The following ADPRH variants were observed in gnomAD, a reference collection of about 807,000 sequenced individuals.
ADPRH encodes the protein ADP-ribose-L-arginine cleaving enzyme.
In ADPRH, 27 loss-of-function variants were observed where a neutral mutation model predicts 28.8. That is an observed-to-expected ratio of 0.94 (90% CI 0.69 to 1.29). The LOEUF is 1.29. Among genes scored for constraint, ADPRH ranks in the 50% most tolerant of loss-of-function variants. The probability of loss-of-function intolerance (pLI) is 0.00; values close to 1 mark genes in which losing one functional copy is unlikely to be tolerated. For synonymous variants in ADPRH, 161 were observed against 166.9 expected (o/e 0.96, Z 0.27); for missense variants, 419 against 444.8 (o/e 0.94, Z 0.52).
intron 2 of ADPRH, among the ~76,000 whole-genome samples, chr3:119,581,388 A>G (rs945422329): frequency 6.6e-6 from 1 of 152,166 alleles, no homozygotes; most frequent in African/African-American, 2.4e-5. Flanking sequence ...AATTTAATTT[A>G]TTTATTCCTA....
At chr3:119,583,468 C>T (rs148034287) in intron 3 of ADPRH, among the ~76,000 whole-genome samples, 62 of 152,044 alleles carry the variant, frequency 4.1e-4, no homozygotes, top group African/African-American at 1.3e-3. Flanking sequence ...TCACATTATA[C>T]TAAATAAATG....
chr3:119,586,480 A>C lies in ADPRH; in HGVS notation c.494A>C (p.His165Pro), dbSNP rs896548821. ...GAGAGTGGTCGGATGACCCACCACC[A>C]CCCAACAGGCTACCTGGGGGCCCTT... Reference protein sequence around the residue: ...SIESGRMTHHHPTGYLGALAS... With the variant: ...SIESGRMTHHPPTGYLGALAS... Residue 165 changes from histidine (H) to proline (P), a missense_variant, in exon 4 of 5, where the codon CAC becomes CCC. Coordinates refer to ENST00000357003, the MANE Select transcript of ADPRH (RefSeq NM_001125.4). 5.1e-5 allele frequency: 83 copies of C among 1,614,016 alleles called. No homozygotes were observed. Among genetic ancestry groups the C allele is most frequent in the Non-Finnish European group, 6.9e-5 (82 of 1,180,026 alleles).
rs1485926935 is a variant in ADPRH at position 119,587,887 on chromosome 3, G to A, written c.*9G>A. The A allele has an allele frequency of 4.5e-6, 7 of 1,567,596 alleles. No individual in the cohort carries two copies. Among genetic ancestry groups the A allele is most frequent in the Non-Finnish European group, 6.0e-6 (7 of 1,158,524 alleles). Reference sequence around the variant, plus strand: ...CTGTAATTTCCCTTTAGGGAGACGTGATGTTCACTTCTGATGGATTCTTCT... The same window carrying A: ...CTGTAATTTCCCTTTAGGGAGACGTAATGTTCACTTCTGATGGATTCTTCT... On this transcript the variant is annotated 3_prime_UTR_variant, in exon 5 of 5. Transcript: ENST00000357003.
At position 119,589,610 on chromosome 3, in the gene ADPRH, T is replaced by A. The variant is rs1057315715; in HGVS notation, c.*1732T>A. The A allele has an allele frequency of 6.6e-6, 1 of 152,194 alleles. No individual in the cohort carries two copies. Among genetic ancestry groups the A allele is most frequent in the Non-Finnish European group, 1.5e-5 (1 of 68,036 alleles). 9.4% of individuals were successfully genotyped at this position (152,194 alleles called of 1,614,324 possible). On this transcript the variant is annotated 3_prime_UTR_variant, in exon 5 of 5. Coordinates refer to ENST00000357003, the MANE Select transcript of ADPRH (RefSeq NM_001125.4). ...AGGGGATGCAGGGAGGATCTTAGCA[T>A]TTGTTGTTTTCTAGTGCAGGGCTTT...
At chr3:119,581,552 G>A (rs1016576325) in intron 2 of ADPRH, among the ~76,000 whole-genome samples, 1 of 152,024 alleles carries the variant, frequency 6.6e-6, no homozygotes, top group Non-Finnish European at 1.5e-5. Context: ...ATCAGATTTG[G>A]GTTCCAGTAC....
intron 3 of ADPRH, among the ~76,000 whole-genome samples, chr3:119,583,067 A>T (rs535526599): frequency 2.0e-5 from 3 of 152,222 alleles, no homozygotes; most frequent in African/African-American, 4.8e-5. Context: ...TCCAGAAAAA[A>T]ATTTTTAAAA....
At position 119,587,460 on chromosome 3, in the gene ADPRH, A is replaced by T; in HGVS notation, c.660-4A>T. 1 of 1,514,598 alleles carries T rather than the reference A, an allele frequency of 6.6e-7. No homozygotes were observed. The highest frequency in any genetic ancestry group is 8.8e-7 in the Non-Finnish European group (1 of 1,131,852). 93.8% of individuals were successfully genotyped at this position (1,514,598 alleles called of 1,614,324 possible). ...ATTGACTCTAGATTTTTTCCTTTCT[A>T]CAGGTCCTACTTCCAAACCAAATGG... is the stretch of plus-strand genomic sequence containing the variant. On this transcript the variant is annotated splice_region_variant and splice_polypyrimidine_tract_variant and intron_variant, in intron 4 of 4. Transcript: ENST00000357003.
chr3:119,580,387 G>A (rs1397582357), intron 1 of ADPRH, 164 bp from the exon 2 acceptor site: 3 of 152,276 alleles, frequency 2.0e-5, no homozygotes, highest in Non-Finnish European at 4.4e-5. Flanking sequence ...TGTCCCGGGT[G>A]TCTGTCAGGT....
At chr3:119,584,023 C>G (rs2107760954) in intron 3 of ADPRH, among the ~76,000 whole-genome samples, 1 of 151,888 alleles carries the variant, frequency 6.6e-6, no homozygotes, top group East Asian at 1.9e-4. Context: ...GTTGATCCAC[C>G]TGCCTCAGCC....
intron 2 of ADPRH, 25 bp from the exon 3 acceptor site, chr3:119,582,109 C>A: frequency 1.2e-4 from 97 of 826,040 alleles, no homozygotes; most frequent in East Asian, 2.0e-4. Flanking sequence ...CATCCTATTT[C>A]CTTTGTCTTA....
intron 2 of ADPRH, 63 bp from the exon 3 acceptor site, chr3:119,582,071 G>GTGGTTTTTTTTTTTT: frequency 7.9e-7 from 1 of 1,268,986 alleles, no homozygotes; most frequent in East Asian, 2.3e-5. Flanking sequence ...AGCTAGAGTC[G>GTGGTTTTTTTTTTTT]TTGTTTTTTC....
rs1322420442 is a variant in ADPRH, at chr3:119,580,885, G to T, written c.-37+249G>T. Among the ~76,000 whole-genome samples, 4 of 151,942 alleles carry T rather than the reference G, an allele frequency of 2.6e-5. No individual in the cohort carries two copies. In the East Asian group the frequency reaches 7.7e-4, roughly 29 times the overall value. On this transcript the variant is annotated intron_variant, in intron 2 of 4. Coordinates refer to ENST00000357003, the MANE Select transcript of ADPRH (RefSeq NM_001125.4). Reference sequence around the variant, plus strand: ...GTGGGTATATTATTAATAGAGATTCGAATTCTCTAGAAGCTGATCATTTCT... The same window carrying T: ...GTGGGTATATTATTAATAGAGATTCTAATTCTCTAGAAGCTGATCATTTCT...
chr3:119,581,931 G>A (rs2082408037), intron 2 of ADPRH: 1 of 455,942 alleles, frequency 2.2e-6, no homozygotes, highest in South Asian at 4.5e-5. Context: ...TTCTCAAACT[G>A]CATTATCTCC....
chr3:119,586,252 C>T (rs1430128194), intron 3 of ADPRH, 33 bp from the exon 4 acceptor site: 2 of 1,610,478 alleles, frequency 1.2e-6, no homozygotes, highest in South Asian at 1.1e-5. Flanking sequence ...TTTGGTTATG[C>T]TAACCCCCAT....
rs1173257800 is a variant in ADPRH at position 119,580,562 on chromosome 3, C to T, written c.-111C>T. On this transcript the variant is annotated 5_prime_UTR_variant, in exon 2 of 5. Coordinates refer to ENST00000357003, the MANE Select transcript of ADPRH (RefSeq NM_001125.4). ...TACTCCTTCTCCAGGGGCTCTCCAG[C>T]CTGCATTCCATGGCCAACAGCAGTG... The T allele has an allele frequency of 1.3e-5, 2 of 152,238 alleles. No homozygotes were observed. Among genetic ancestry groups the T allele is most frequent in the Non-Finnish European group, 2.9e-5 (2 of 68,076 alleles). 9.4% of individuals were successfully genotyped at this position (152,238 alleles called of 1,614,324 possible).
intron 3 of ADPRH, among the ~76,000 whole-genome samples, chr3:119,584,906 T>C (rs58065739): frequency 0.28 from 41,976 of 152,120 alleles, 6,339 homozygotes; most frequent in African/African-American, 0.39. Context: ...TGTGTGCATG[T>C]ATCCCTGGTG....
chr3:119,582,748 A>G (rs1040416492), intron 3 of ADPRH, among the ~76,000 whole-genome samples: 3 of 152,166 alleles, frequency 2.0e-5, no homozygotes, highest in Non-Finnish European at 4.4e-5. Context: ...TTCTAGAGAC[A>G]GGTACTGATC....
In ADPRH at chr3:119,588,157, A is replaced by G. The variant is rs146078989; in HGVS notation, c.*279A>G. On this transcript the variant is annotated 3_prime_UTR_variant, in exon 5 of 5. Coordinates refer to ENST00000357003, the MANE Select transcript of ADPRH (RefSeq NM_001125.4). ...ACCTCATATTTGAGTCTTCATTTTC[A>G]TCATCTACTTGTTCTAAAAGTTTTT... is the stretch of plus-strand genomic sequence containing the variant. 12 of 288,520 alleles carry G rather than the reference A, an allele frequency of 4.2e-5. No individual in the cohort carries two copies. The highest frequency in any genetic ancestry group is 5.7e-5 in the Non-Finnish European group (9 of 157,702). The allele number at this position is 288,520 out of a possible 1,614,324, so 17.9% of individuals were successfully genotyped here. A position where few individuals can be genotyped will look rare whatever the true frequency, so the allele number is the denominator to read the frequency against.
Position 119,582,448 on chromosome 3 carries a change from C to G in ADPRH, c.279C>G (p.Asp93Glu), listed in dbSNP as rs753304445. Residue 93 changes from aspartate to glutamate, a missense_variant, in exon 3 of 5, where the codon GAC becomes GAG. By Grantham distance (45) the Asp-to-Glu change is conservative. Transcript: ENST00000357003. Reference protein sequence around the residue: ...LAKHYQDCMEDMDGRAPGGAS... With the variant: ...LAKHYQDCMEEMDGRAPGGAS... ...AGCATTACCAAGACTGCATGGAAGA[C>G]ATGGATGGGCGGGCACCAGGTGAGC... is the stretch of plus-strand genomic sequence containing the variant. 6.2e-7 allele frequency: 1 copy of G among 1,613,162 alleles called. No individual in the cohort carries two copies. The highest frequency in any genetic ancestry group is 8.5e-7 in the Non-Finnish European group (1 of 1,179,274).
Sources: gnomAD v4.1 joint callset for allele counts (sites outside exome capture counted in the v4.1 genomes callset) on GRCh38, gnomAD v4.1.1 for gene constraint, MANE v1.5 for transcripts, NCBI Gene and HGNC (gene_info 2026-07-23, HGNC 2026-07-21) for gene names.